SPTA1: variants seen among roughly 807,000 people sequenced by gnomAD.
SPTA1 encodes spectrin alpha chain, erythrocytic 1.
SPTA1 carries 177 observed loss-of-function variants against 324.7 expected under a neutral mutation model. The observed-to-expected ratio is 0.55, with a 90% confidence interval of 0.48 to 0.62. The LOEUF (loss-of-function observed/expected upper bound fraction) is 0.62, where lower values mean the gene tolerates loss of function less well. Among genes scored for constraint, SPTA1 ranks in the 20% least tolerant of loss-of-function variants. The pLI is 0.00. For missense variants in SPTA1, 3,162 were observed against 2,883.6 expected (o/e 1.10, Z -2.21); for synonymous variants, 1,195 against 1,041.3 (o/e 1.15, Z -2.84).
Position 158,626,236 on chromosome 1 carries a change from A to G in SPTA1, c.5834-14T>C, listed in dbSNP as rs540684540. 9.2e-5 allele frequency: 149 copies of G among 1,612,708 alleles called. 1 individual carries two copies. The East Asian group carries it at 3.2e-3, about 35-fold the overall frequency. On this transcript the variant is annotated splice_polypyrimidine_tract_variant and intron_variant, in intron 41 of 51. Transcript: ENST00000643759. Reference sequence around the variant, plus strand: ...TTTCCTTATCAGCTAAAAGGCAAAAACAATTAAGAAGAGAAAGACATTTGG... The same window carrying G: ...TTTCCTTATCAGCTAAAAGGCAAAAGCAATTAAGAAGAGAAAGACATTTGG...
chr1:158,628,782 G>T lies in SPTA1; in HGVS notation c.5566-1059C>A, dbSNP rs568002326. On this transcript the variant is annotated intron_variant, in intron 39 of 51. Coordinates refer to ENST00000643759, the MANE Select transcript of SPTA1 (RefSeq NM_003126.4). ...GAACTGTTGTCAAAGAAATAAAAGA[G>T]ATCACAAGAAAAGATTACAAATAAT... Among the ~76,000 whole-genome samples the T allele has an allele frequency of 1.8e-3, 277 of 152,068 alleles. 1 individual carries two copies. Among genetic ancestry groups the T allele is most frequent in the African/African-American group, 6.1e-3 (254 of 41,530 alleles).
At chr1:158,661,498 G>T in intron 17 of SPTA1, 89 bp from the exon 18 acceptor site, 1 of 1,568,420 alleles carries the variant, frequency 6.4e-7, no homozygotes. Flanking sequence ...GGACCCACAG[G>T]TTCTTTCCTT....
At chr1:158,681,907 T>C (rs1654846928) in intron 3 of SPTA1, among the ~76,000 whole-genome samples, 1 of 152,108 alleles carries the variant, frequency 6.6e-6, no homozygotes. Context: ...TTTTAAAGGA[T>C]GGAATAATTA....
chr1:158,662,433 G>C (rs768110686), intron 17 of SPTA1, among the ~76,000 whole-genome samples: 7 of 152,176 alleles, frequency 4.6e-5, no homozygotes, highest in Non-Finnish European at 7.3e-5. Context: ...GACCTTCACA[G>C]TTTTAGAGCA....
At chr1:158,654,261 G>A (rs995028394) in intron 21 of SPTA1, among the ~76,000 whole-genome samples, 2 of 152,096 alleles carry the variant, frequency 1.3e-5, no homozygotes, top group African/African-American at 4.8e-5. Flanking sequence ...TTTATCACTA[G>A]AAATACTGGC....
chr1:158,655,610 C>T (rs543187149), intron 20 of SPTA1, among the ~76,000 whole-genome samples: 1 of 152,278 alleles, frequency 6.6e-6, no homozygotes, highest in Non-Finnish European at 1.5e-5. Context: ...TGTAAATATA[C>T]ACTGATTTGA....
rs747562848 is a variant in SPTA1 at position 158,639,576 on chromosome 1, A to G, written c.4980+6T>C. 2 of 1,613,188 alleles carry G rather than the reference A, an allele frequency of 1.2e-6. No individual in the cohort carries two copies. On this transcript the variant is annotated splice_donor_region_variant and intron_variant, in intron 35 of 51. Transcript: ENST00000643759. ...CCCAGAGGAGAGGGATGCCAACACT[A>G]CTTACCTCTCGAGCCAACATCTCTC...
rs773532562 is a variant in SPTA1, at chr1:158,662,932, A to T, written c.2234T>A (p.Ile745Asn). ...AVAARQDQVD[I>N]LTDLAAYFEE... is the part of the protein sequence containing the mutation. Reference sequence around the variant, plus strand: ...AAAATATGCAGCCAGGTCTGTAAGGATATCCACCTGATCCTAAGGGAGAAA... The same window carrying T: ...AAAATATGCAGCCAGGTCTGTAAGGTTATCCACCTGATCCTAAGGGAGAAA... The change falls in exon 17 of 52, where the codon ATC (isoleucine) becomes AAC (asparagine). Residue 745 changes from isoleucine to asparagine, a missense_variant. Physicochemically the swap from Ile to Asn is moderately radical, Grantham distance 149. Transcript: ENST00000643759. The T allele has an allele frequency of 1.6e-5, 26 of 1,613,958 alleles. No homozygotes were observed. In the Admixed American group the frequency reaches 4.2e-4, roughly 26 times the overall value.
Position 158,686,690 on chromosome 1 carries a change from CA to C in SPTA1, c.-174del. The C allele has an allele frequency of 1.7e-6, 1 of 580,642 alleles. No homozygotes were observed. Among genetic ancestry groups the C allele is most frequent in the South Asian group, 2.1e-5 (1 of 46,876 alleles). The allele number at this position is 580,642 out of a possible 1,614,324, so 36.0% of individuals were successfully genotyped here. On this transcript the variant is annotated 5_prime_UTR_variant, in exon 1 of 52. In the 5' UTR this introduces an upstream ATG that the reference lacks. Transcript: ENST00000643759. ...GTCCTAGAATCCCATCAGCCATACA[CA>C]ATCGACATTATCTTTAGAAGACATA...
chr1:158,671,998 T>C, intron 11 of SPTA1, 61 bp downstream of exon 11: 1 of 1,604,536 alleles, frequency 6.2e-7, no homozygotes, highest in Non-Finnish European at 8.5e-7. Context: ...ATGGTAGTCA[T>C]GGTGGCAAAT....
chr1:158,615,156 A>G (rs1649476502), intron 48 of SPTA1, 60 bp downstream of exon 48: 2 of 1,598,010 alleles, frequency 1.3e-6, no homozygotes, highest in South Asian at 2.2e-5. Context: ...CCCTTAGTTA[A>G]GGTCCTAACA....
At chr1:158,653,478 A>T (rs1380670338) in intron 21 of SPTA1, 53 bp from the exon 22 acceptor site, 1 of 1,608,696 alleles carries the variant, frequency 6.2e-7, no homozygotes, top group Non-Finnish European at 8.5e-7. Flanking sequence ...AAAGCAACAA[A>T]CGGGAGAGAC....
chr1:158,616,374 C>T (rs1295121851), intron 47 of SPTA1, among the ~76,000 whole-genome samples: 1 of 151,908 alleles, frequency 6.6e-6, no homozygotes, highest in African/African-American at 2.4e-5. Flanking sequence ...ATATTTATAC[C>T]CAATAATCAA....
In SPTA1 at chr1:158,643,369, G is replaced by A; in HGVS notation, c.4395C>T (p.His1465=). 6.2e-7 allele frequency: 1 copy of A among 1,613,914 alleles called. No individual in the cohort carries two copies. Among genetic ancestry groups the A allele is most frequent in the Non-Finnish European group, 8.5e-7 (1 of 1,179,906 alleles). The change falls in exon 31 of 52, where the codon CAC becomes CAT. Residue 1465 remains histidine, a synonymous_variant. Coordinates refer to ENST00000643759, the MANE Select transcript of SPTA1 (RefSeq NM_003126.4). ...HFAESLIADE[H]YAKEEIATRL... ...GCGTAGCAATCTCTTCTTTGGCATA[G>A]TGTTCATCAGCAATGAGGCTCTCAG...
In SPTA1 at chr1:158,626,825, C is replaced by T; in HGVS notation, c.5833+14G>A. The T allele has an allele frequency of 6.2e-7, 1 of 1,613,446 alleles. No homozygotes were observed. The highest frequency in any genetic ancestry group is 8.5e-7 in the Non-Finnish European group (1 of 1,179,526). Reference sequence around the variant, plus strand: ...TTCTCAAACCCAAGGGACCCTGAACCTGACACATCATACCTATCCAAGCCT... The same window carrying T: ...TTCTCAAACCCAAGGGACCCTGAACTTGACACATCATACCTATCCAAGCCT... On this transcript the variant is annotated intron_variant, in intron 41 of 51. Transcript: ENST00000643759.
chr1:158,662,562 G>T, intron 17 of SPTA1, 140 bp downstream of exon 17: 1 of 1,117,298 alleles, frequency 9.0e-7, no homozygotes, highest in Non-Finnish European at 1.3e-6. Context: ...TTTTATGAAG[G>T]ACTGGACAAA....
chr1:158,617,462 C>A, intron 47 of SPTA1, 75 bp downstream of exon 47: 1 of 1,246,058 alleles, frequency 8.0e-7, no homozygotes, highest in South Asian at 1.2e-5. Context: ...ATCACCTGGG[C>A]TTCCCTTAGG....
intron 15 of SPTA1, 107 bp from the exon 16 acceptor site, chr1:158,666,604 C>T (rs1274792605): frequency 2.0e-6 from 2 of 990,814 alleles, no homozygotes; most frequent in African/African-American, 1.6e-5. Context: ...TTTAATATTG[C>T]AAAGAGGGAA....
intron 40 of SPTA1, 45 bp from the exon 41 acceptor site, chr1:158,627,052 G>A: frequency 6.2e-7 from 1 of 1,609,484 alleles, no homozygotes; most frequent in Non-Finnish European, 8.5e-7. Flanking sequence ...GTGCAGGGCT[G>A]GAAATGTGAA....
Sources: allele counts gnomAD v4.1 joint callset (sites outside exome capture counted in the v4.1 genomes callset), GRCh38; gene constraint gnomAD v4.1.1; transcripts MANE v1.5; gene names NCBI Gene and HGNC (gene_info 2026-07-23, HGNC 2026-07-21).